Variants in PCDHAC1 observed in about 807,000 individuals in gnomAD.
PCDHAC1 encodes protocadherin alpha-C1.
A neutral mutation model predicts 60.0 loss-of-function variants in PCDHAC1; 42 were observed. The observed-to-expected ratio is 0.70, with a 90% CI of 0.55 to 0.90. PCDHAC1 has a LOEUF of 0.90. PCDHAC1 is among the 40% of genes least tolerant of loss of function. PCDHAC1 has a pLI of 0.00. For missense variants in PCDHAC1, 1,160 were observed against 1,222.3 expected, an observed-to-expected ratio of 0.95 and a Z score of 0.76; for synonymous variants, 468 against 499.3, an observed-to-expected ratio of 0.94 and a Z score of 0.84.
At chr5:140,969,109 T>C (rs782731369) in intron 1 of PCDHAC1, 10 of 1,614,126 alleles carry the variant, frequency 6.2e-6, no homozygotes, top group Non-Finnish European at 8.5e-6. Flanking sequence ...TCATTGAAGT[T>C]CGAGGGAATG....
intron 3 of PCDHAC1, among the ~76,000 whole-genome samples, chr5:140,991,311 G>A (rs1036350235): frequency 3.3e-5 from 5 of 152,108 alleles, no homozygotes; most frequent in Admixed American, 2.0e-4. Context: ...ATCTTGTCCC[G>A]CATGATACAT....
intron 3 of PCDHAC1, among the ~76,000 whole-genome samples, chr5:140,987,890 C>T (rs1554249653): frequency 1.3e-5 from 2 of 152,020 alleles, no homozygotes; most frequent in African/African-American, 4.8e-5. Flanking sequence ...TTTATGTGCC[C>T]TAGTTTTATA....
At chr5:140,946,679 CG>C (rs1355438071) in intron 1 of PCDHAC1, among the ~76,000 whole-genome samples, 1 of 144,750 alleles carries the variant, frequency 6.9e-6, no homozygotes, top group Non-Finnish European at 1.5e-5. Flanking sequence ...TCCTGTCATT[CG>C]TGACAATATG....
rs1435866827 is a variant in PCDHAC1 at position 140,927,753 on chromosome 5, C to T, written c.861C>T (p.His287=). 3 of 1,614,078 alleles carry T rather than the reference C, an allele frequency of 1.9e-6. No homozygotes were observed. Among genetic ancestry groups the T allele is most frequent in the Non-Finnish European group, 2.5e-6 (3 of 1,180,040 alleles). ...AGCTGCGACACCGCTTTCACGTGCA[C>T]CCTAAAAGTGGGGAGGTGCAAGTAG... The part of the protein sequence containing the change: ...QAELRHRFHV[H]PKSGEVQVAA... Residue 287 remains histidine (H), a synonymous_variant, in exon 1 of 4, where the codon CAC becomes CAT. Coordinates refer to ENST00000253807, the MANE Select transcript of PCDHAC1 (RefSeq NM_018898.5).
At position 140,982,704 on chromosome 5, in the gene PCDHAC1, C is replaced by T. The variant is rs1393323812; in HGVS notation, c.2581+141C>T. ...CTTTTTTCCATACATACATGATTTCCTTACATATATGATTATTTTGATTTT... is the reference window on the plus strand; with the variant it reads ...CTTTTTTCCATACATACATGATTTCTTTACATATATGATTATTTTGATTTT... On this transcript the variant is annotated intron_variant, in intron 3 of 3. Coordinates refer to ENST00000253807, the MANE Select transcript of PCDHAC1 (RefSeq NM_018898.5). 8 of 1,377,410 alleles carry T rather than the reference C, an allele frequency of 5.8e-6. No homozygotes were observed. In the African/African-American group the frequency reaches 1.2e-4, roughly 20 times the overall value. The allele number at this position is 1,377,410 out of a possible 1,614,324, so 85.3% of individuals were successfully genotyped here. A position where few individuals can be genotyped will look rare whatever the true frequency, so the allele number is the denominator to read the frequency against.
intron 1 of PCDHAC1, among the ~76,000 whole-genome samples, chr5:140,961,550 CT>C (rs571779587): frequency 6.6e-6 from 1 of 152,032 alleles, no homozygotes; most frequent in Admixed American, 6.6e-5. Context: ...TGCAGCATTT[CT>C]TTTTTTAAAT....
At chr5:140,942,544 G>A (rs546340510) in intron 1 of PCDHAC1, among the ~76,000 whole-genome samples, 105 of 152,118 alleles carry the variant, frequency 6.9e-4, no homozygotes, top group African/African-American at 2.5e-3. Flanking sequence ...TATGGTGGGG[G>A]GTAGGGGGTT....
At chr5:140,930,842 T>C (rs183476886) in intron 1 of PCDHAC1, among the ~76,000 whole-genome samples, 1 of 152,338 alleles carries the variant, frequency 6.6e-6, no homozygotes, top group Admixed American at 6.5e-5. Flanking sequence ...TGAATAAATA[T>C]GTGCATATAT....
intron 1 of PCDHAC1, among the ~76,000 whole-genome samples, chr5:140,962,176 C>T (rs1554225858): frequency 6.6e-6 from 1 of 152,104 alleles, no homozygotes; most frequent in Admixed American, 6.6e-5. Flanking sequence ...CACCCGGCCA[C>T]TTATATCACT....
At chr5:140,983,170 G>A (rs1046143831) in intron 3 of PCDHAC1, among the ~76,000 whole-genome samples, 1 of 152,136 alleles carries the variant, frequency 6.6e-6, no homozygotes, top group Non-Finnish European at 1.5e-5. Context: ...AAACATGACC[G>A]CCTCACAATT....
intron 3 of PCDHAC1, among the ~76,000 whole-genome samples, chr5:140,998,878 T>C (rs1379445555): frequency 6.6e-6 from 1 of 152,218 alleles, no homozygotes; most frequent in Non-Finnish European, 1.5e-5. Context: ...ATAATAAGTT[T>C]AGTTGAATAA....
At chr5:140,930,616 G>T (rs2086997332) in intron 1 of PCDHAC1, among the ~76,000 whole-genome samples, 2 of 152,154 alleles carry the variant, frequency 1.3e-5, no homozygotes, top group African/African-American at 4.8e-5. Context: ...TGCAAGAGAA[G>T]GAGGTGTGTA....
chr5:140,927,720 G>A lies in PCDHAC1; in HGVS notation c.828G>A (p.Thr276=). The change falls in exon 1 of 4, where the codon ACG becomes ACA. Residue 276 remains threonine, a synonymous_variant. Transcript: ENST00000253807. The part of the protein sequence containing the change: ...GEVQYSLSNS[T]QAELRHRFHV... ...TCCAGTACTCCCTAAGCAACAGCAC[G>A]CAAGCAGAGCTGCGACACCGCTTTC... 3.7e-6 allele frequency: 6 copies of A among 1,614,174 alleles called. No homozygotes were observed. Among genetic ancestry groups the A allele is most frequent in the Non-Finnish European group, 4.2e-6 (5 of 1,180,024 alleles).
intron 3 of PCDHAC1, among the ~76,000 whole-genome samples, chr5:140,986,211 C>T (rs1257937611): frequency 1.3e-5 from 2 of 152,126 alleles, no homozygotes; most frequent in African/African-American, 2.4e-5. Flanking sequence ...GATTACTGGC[C>T]CCTTTCTCTA....
intron 1 of PCDHAC1, chr5:140,967,093 G>T: frequency 6.2e-7 from 1 of 1,613,122 alleles, no homozygotes; most frequent in Non-Finnish European, 8.5e-7. Flanking sequence ...ATCGGGAGGC[G>T]CTGTGTGAGC....
Position 140,928,370 on chromosome 5 carries a change from C to T in PCDHAC1, c.1478C>T (p.Ser493Leu), listed in dbSNP as rs2085193734. Residue 493 changes from serine (S) to leucine (L), a missense_variant, in exon 1 of 4, where the codon TCA (serine) becomes TTA (leucine). Ser to Leu is a moderately radical substitution (Grantham distance 145). Transcript: ENST00000253807. ...TTGGATGTTATCTCTGAAGGGCCAT[C>T]AGCCTCTAGCTTGCTGGCAGTGGAA... ...ELLDVISEGP[S>L]ASSLLAVESS... The T allele has an allele frequency of 6.2e-7, 1 of 1,614,062 alleles. No homozygotes were observed. Among genetic ancestry groups the T allele is most frequent in the South Asian group, 1.1e-5 (1 of 91,088 alleles).
At chr5:140,971,372 A>G (rs1554233263) in intron 1 of PCDHAC1, among the ~76,000 whole-genome samples, 1 of 152,214 alleles carries the variant, frequency 6.6e-6, no homozygotes, top group Non-Finnish European at 1.5e-5. Flanking sequence ...AGGAGAGTGC[A>G]TGACTTTAAT....
intron 3 of PCDHAC1, among the ~76,000 whole-genome samples, chr5:141,001,278 C>A (rs182360019): frequency 6.6e-6 from 1 of 152,050 alleles, no homozygotes; most frequent in Non-Finnish European, 1.5e-5. Flanking sequence ...ACTTTTTTTA[C>A]GGATGAAAAC....
At position 140,997,506 on chromosome 5, in the gene PCDHAC1, T is replaced by A. The variant is rs147089901; in HGVS notation, c.2582-12121T>A. On this transcript the variant is annotated intron_variant, in intron 3 of 3. Coordinates refer to ENST00000253807, the MANE Select transcript of PCDHAC1 (RefSeq NM_018898.5). ...AAGTATTTGTGTATCTCAACATACC[T>A]AAACGCAGAAAAAGTACAATAAAAA... Among the ~76,000 whole-genome samples the A allele has an allele frequency of 4.4e-3, 665 of 152,304 alleles. 5 individuals are homozygous for A. Among genetic ancestry groups the A allele is most frequent in the African/African-American group, 0.015 (619 of 41,574 alleles).
Sources: allele counts gnomAD v4.1 joint callset (sites outside exome capture counted in the v4.1 genomes callset), GRCh38; gene constraint gnomAD v4.1.1; transcripts MANE v1.5; gene names NCBI Gene and HGNC (gene_info 2026-07-23, HGNC 2026-07-21).